The following INCENP variants were observed in gnomAD, a reference collection of about 807,000 sequenced individuals.
INCENP encodes binds and activates aurora-B and -C in vivo and in vitro.
Under a neutral mutation model 107.3 loss-of-function variants are expected in INCENP, and 43 were observed. The observed-to-expected ratio is 0.40, with a 90% CI of 0.31 to 0.52. INCENP has a LOEUF of 0.52. Ranked by LOEUF, INCENP falls within the 20% of genes least tolerant of loss-of-function variation. The pLI is 0.53. For synonymous variants in INCENP, 488 were observed against 494.4 expected, an observed-to-expected ratio of 0.99 and a Z score of 0.17; for missense variants, 1,089 against 1,250.9, an observed-to-expected ratio of 0.87 and a Z score of 1.95.
chr11:62,151,373 G>A (rs982239093), intron 18 of INCENP, among the ~76,000 whole-genome samples: 2 of 152,210 alleles, frequency 1.3e-5, no homozygotes, highest in African/African-American at 4.8e-5. Context: ...AGGTGGTCAA[G>A]GATGGCATCC....
At chr11:62,125,435 G>A (rs1026709368) in intron 1 of INCENP, among the ~76,000 whole-genome samples, 2 of 152,218 alleles carry the variant, frequency 1.3e-5, no homozygotes, top group African/African-American at 2.4e-5. Context: ...CTGGCCTGAG[G>A]TCCTGCGCTT....
At chr11:62,128,097 C>A in intron 1 of INCENP, 54 bp from the exon 2 acceptor site, 1 of 1,598,996 alleles carries the variant, frequency 6.3e-7, no homozygotes, top group Non-Finnish European at 8.5e-7. Context: ...GGAGAAAGCC[C>A]CAGACCCCTA....
chr11:62,144,775 G>C (rs769236132), intron 11 of INCENP: 1 of 761,638 alleles, frequency 1.3e-6, no homozygotes, highest in South Asian at 1.4e-5. Context: ...TTGCGAGGTA[G>C]CTGAGTGCTC....
rs1435027897 is a variant in INCENP, at chr11:62,128,613, G to A, written c.141-157G>A. 3.3e-5 allele frequency among the ~76,000 whole-genome samples: 5 copies of A among 152,330 alleles called. No individual in the cohort carries two copies. In the East Asian group the frequency reaches 5.8e-4, roughly 18 times the overall value. Reference sequence around the variant, plus strand: ...CTCCAGGAGGAAGCCCTGAGTGCCCGCAGGTGACTTGCACATGGCCTTGGA... The same window carrying A: ...CTCCAGGAGGAAGCCCTGAGTGCCCACAGGTGACTTGCACATGGCCTTGGA... On this transcript the variant is annotated intron_variant, in intron 2 of 18. Transcript: ENST00000394818.
At chr11:62,130,965 A>G (rs1305655916) in intron 4 of INCENP, among the ~76,000 whole-genome samples, 2 of 152,158 alleles carry the variant, frequency 1.3e-5, no homozygotes, top group Non-Finnish European at 2.9e-5. Flanking sequence ...GTTACTGGCC[A>G]TGTTGAGGCT....
chr11:62,135,050 C>CA (rs974657611), intron 4 of INCENP, among the ~76,000 whole-genome samples: 33 of 144,666 alleles, frequency 2.3e-4, no homozygotes, highest in South Asian at 2.2e-4. Context: ...GACTCTGTCT[C>CA]AAAAAAAAAA....
chr11:62,130,054 G>T lies in INCENP; in HGVS notation c.527G>T (p.Arg176Leu), dbSNP rs777641583. 2 of 1,613,770 alleles carry T rather than the reference G, an allele frequency of 1.2e-6. No individual in the cohort carries two copies. The highest frequency in any genetic ancestry group is 1.7e-6 in the Non-Finnish European group (2 of 1,180,006). ...VPVVEIGISE[R>L]QNAEQHVTQL... ...GTGGTGGAGATCGGCATCAGTGAGC[G>T]CCAGAATGCTGAGCAGCATGTCACC... The change falls in exon 4 of 19, where the codon CGC becomes CTC. Residue 176 changes from arginine (R) to leucine (L), a missense_variant. By Grantham distance (102) the Arg-to-Leu change is moderately radical. Transcript: ENST00000394818.
At chr11:62,131,524 GA>G (rs35837312) in intron 4 of INCENP, among the ~76,000 whole-genome samples, 1 of 151,868 alleles carries the variant, frequency 6.6e-6, no homozygotes, top group Non-Finnish European at 1.5e-5. Context: ...TTGCTGAGTG[GA>G]AAAAAAATGC....
At chr11:62,147,046 C>T (rs1944267415) in intron 15 of INCENP, 144 bp downstream of exon 15, 4 of 1,325,150 alleles carry the variant, frequency 3.0e-6, no homozygotes, top group Non-Finnish European at 4.1e-6. Flanking sequence ...CACCTGAATA[C>T]ACTGCCCATT....
intron 4 of INCENP, among the ~76,000 whole-genome samples, chr11:62,133,800 G>A (rs140555992): frequency 2.6e-5 from 4 of 152,168 alleles, no homozygotes; most frequent in Non-Finnish European, 4.4e-5. Flanking sequence ...TCAGCCCGGC[G>A]CTGCAGCTGC....
chr11:62,140,638 C>T, intron 8 of INCENP, 66 bp from the exon 9 acceptor site: 1 of 1,393,168 alleles, frequency 7.2e-7, no homozygotes, highest in South Asian at 1.2e-5. Context: ...ACCGGGGTGA[C>T]TTTTGATGGG....
At chr11:62,129,548 G>A (rs1486601485) in intron 3 of INCENP, among the ~76,000 whole-genome samples, 1 of 152,178 alleles carries the variant, frequency 6.6e-6, no homozygotes, top group Non-Finnish European at 1.5e-5. Flanking sequence ...AATCTTCCTA[G>A]CCAGTTCTGT....
chr11:62,141,092 G>A (rs1412874126), intron 10 of INCENP, 48 bp downstream of exon 10: 1 of 1,581,056 alleles, frequency 6.3e-7, no homozygotes, highest in African/African-American at 1.3e-5. Flanking sequence ...TGGGCAGTGT[G>A]GCTGAAGGTC....
At chr11:62,139,672 A>G (rs976443894) in intron 7 of INCENP, among the ~76,000 whole-genome samples, 1 of 152,138 alleles carries the variant, frequency 6.6e-6, no homozygotes, top group Non-Finnish European at 1.5e-5. Flanking sequence ...TACACCCTCC[A>G]TGTTGACCCT....
At chr11:62,139,183 G>A (rs1370223588) in intron 7 of INCENP, among the ~76,000 whole-genome samples, 178 bp downstream of exon 7, 2 of 152,158 alleles carry the variant, frequency 1.3e-5, no homozygotes, top group Admixed American at 6.5e-5. Flanking sequence ...ACCTCCCACC[G>A]TTGGGCTGGA....
At chr11:62,148,687 G>C in intron 16 of INCENP, 52 bp from the exon 17 acceptor site, 1 of 1,466,686 alleles carries the variant, frequency 6.8e-7, no homozygotes, top group Non-Finnish European at 9.3e-7. Flanking sequence ...GGGGAGGGGA[G>C]GGAAGGGCAC....
At chr11:62,135,145 A>G (rs1480032697) in intron 4 of INCENP, among the ~76,000 whole-genome samples, 1 of 152,076 alleles carries the variant, frequency 6.6e-6, no homozygotes, top group African/African-American at 2.4e-5. Flanking sequence ...ATAATTATGC[A>G]TATTCTTTGT....
chr11:62,128,430 T>TA, intron 2 of INCENP, 129 bp downstream of exon 2: 1 of 984,746 alleles, frequency 1.0e-6, no homozygotes, highest in South Asian at 1.5e-5. Flanking sequence ...CTCCCTGCTG[T>TA]ATACTGTGTG....
At chr11:62,125,109 T>C (rs1943721888) in intron 1 of INCENP, among the ~76,000 whole-genome samples, 1 of 152,226 alleles carries the variant, frequency 6.6e-6, no homozygotes, top group Non-Finnish European at 1.5e-5. Context: ...TGTTGAGTGC[T>C]CTTTATCTGT....
Sources: allele counts gnomAD v4.1 joint callset (sites outside exome capture counted in the v4.1 genomes callset), GRCh38; gene constraint gnomAD v4.1.1; transcripts MANE v1.5; gene names NCBI Gene and HGNC (gene_info 2026-07-23, HGNC 2026-07-21).